The following SMC4 variants were observed in gnomAD, a reference collection of about 807,000 sequenced individuals.
SMC4 encodes structural maintenance of chromosomes protein 4.
SMC4 carries 87 observed loss-of-function variants against 145.6 expected under a neutral mutation model. The ratio of observed to expected loss-of-function variants is 0.60; its 90% CI spans 0.50 to 0.71. SMC4 has a LOEUF of 0.71. Ranked by LOEUF, SMC4 falls within the 30% of genes least tolerant of loss-of-function variation. The pLI is 0.00. For synonymous variants in SMC4, 558 were observed against 500.7 expected, an observed-to-expected ratio of 1.11 and a Z score of -1.53; for missense variants, 1,447 against 1,537.1, an observed-to-expected ratio of 0.94 and a Z score of 0.98.
chr3:160,428,080 A>C (rs1039625394), intron 17 of SMC4, among the ~76,000 whole-genome samples: 10 of 152,184 alleles, frequency 6.6e-5, no homozygotes, highest in Admixed American at 5.9e-4. Flanking sequence ...GCGCCACTGC[A>C]CTCCATCCTG....
intron 10 of SMC4, 48 bp downstream of exon 10, chr3:160,416,463 TTTAAC>T (rs1288427359): frequency 9.7e-6 from 12 of 1,230,938 alleles, no homozygotes; most frequent in African/African-American, 1.5e-5. Flanking sequence ...CTTTTTTTTT[TTTAAC>T]TTAAAGATTA....
chr3:160,425,066 G>A, intron 16 of SMC4, 47 bp downstream of exon 16: 1 of 1,296,900 alleles, frequency 7.7e-7, no homozygotes. Flanking sequence ...TGAAACTATT[G>A]GGATTCAACT....
At chr3:160,403,709 A>G (rs1205915621) in intron 4 of SMC4, among the ~76,000 whole-genome samples, 1 of 152,122 alleles carries the variant, frequency 6.6e-6, no homozygotes, top group African/African-American at 2.4e-5. Context: ...CATTTGATTT[A>G]TCTAAATTTT....
chr3:160,433,168 C>T lies in SMC4; in HGVS notation c.3673C>T (p.Leu1225Phe), dbSNP rs779511871. ...CTTCATGGATGAGATTGATGCAGCCCTTGATTTTAAAAATGTGTCCATTGT... is the reference window on the plus strand; with the variant it reads ...CTTCATGGATGAGATTGATGCAGCCTTTGATTTTAAAAATGTGTCCATTGT... ...LYFMDEIDAA[L>F]DFKNVSIVAF... The change falls in exon 23 of 24, where the codon CTT becomes TTT. Residue 1225 changes from leucine (L) to phenylalanine (F), a missense_variant. By Grantham distance (22) the Leu-to-Phe change is conservative. Transcript: ENST00000357388. 2 of 1,613,218 alleles carry T rather than the reference C, an allele frequency of 1.2e-6. No homozygotes were observed. The highest frequency in any genetic ancestry group is 2.2e-5 in the South Asian group (2 of 90,976).
Position 160,417,935 on chromosome 3 carries a change from A to G in SMC4, c.1650A>G (p.Gln550=). 2 of 1,612,174 alleles carry G rather than the reference A, an allele frequency of 1.2e-6. No homozygotes were observed. Among genetic ancestry groups the G allele is most frequent in the Non-Finnish European group, 1.7e-6 (2 of 1,179,132 alleles). Residue 550 remains glutamine (Q), a synonymous_variant, in exon 11 of 24, where the codon CAA becomes CAG. Transcript: ENST00000357388. Reference sequence around the variant, plus strand: ...GAGATATAGAAGGAAAACTCCCTCAAACTGAACAAGAATTAAAGGAGGTAA... The same window carrying G: ...GAGATATAGAAGGAAAACTCCCTCAGACTGAACAAGAATTAAAGGAGGTAA... ...AIRDIEGKLP[Q]TEQELKEKEK... is the part of the protein sequence containing the mutation.
Position 160,402,719 on chromosome 3 carries a change from A to G in SMC4, c.362A>G (p.Asn121Ser). The change falls in exon 4 of 24, where the codon AAT (asparagine) becomes AGT (serine). Residue 121 changes from asparagine (N) to serine (S), a missense_variant. By Grantham distance (46) the Asn-to-Ser change is conservative. Coordinates refer to ENST00000357388, the MANE Select transcript of SMC4 (RefSeq NM_001002800.3). ...GGGCCAAATGGCAGTGGCAAATCCA[A>G]TGTTATTGATTCTATGCTTTTTGTG... is the stretch of plus-strand genomic sequence containing the variant. ...IIGPNGSGKS[N>S]VIDSMLFVFG... is the part of the protein sequence containing the mutation. 1 of 1,609,862 alleles carries G rather than the reference A, an allele frequency of 6.2e-7. No individual in the cohort carries two copies. Among genetic ancestry groups the G allele is most frequent in the Non-Finnish European group, 8.5e-7 (1 of 1,179,058 alleles).
intron 1 of SMC4, chr3:160,400,042 C>T (rs1032311246): frequency 6.6e-6 from 1 of 152,356 alleles, no homozygotes; most frequent in Non-Finnish European, 1.5e-5. Flanking sequence ...AAAAGGGCGT[C>T]TCCCCCTACC....
In SMC4 at chr3:160,400,985, TCGG is replaced by T; in HGVS notation, c.139+24_139+26del. ...CCGCAGGTGAGTGACCCGCCGCGAC[TCGG>T]CGGGAACGCGCGCTGTGGGACTGGC... On this transcript the variant is annotated intron_variant, in intron 2 of 23. Transcript: ENST00000357388. The T allele has an allele frequency of 7.2e-7, 1 of 1,380,114 alleles. No homozygotes were observed. The highest frequency in any genetic ancestry group is 1.5e-5 in the African/African-American group (1 of 65,262). 85.5% of individuals were successfully genotyped at this position (1,380,114 alleles called of 1,614,324 possible).
chr3:160,413,444 A>G lies in SMC4; in HGVS notation c.981-29A>G, dbSNP rs769076137. ...TGGAAATGGCATTTTAGGAGCTTCA[A>G]TTTCTTTTTTTTTTTTTCCTCCCTA... On this transcript the variant is annotated intron_variant, in intron 7 of 23. Transcript: ENST00000357388. 8 of 1,557,588 alleles carry G rather than the reference A, an allele frequency of 5.1e-6. No individual in the cohort carries two copies. The East Asian group carries it at 1.1e-4, about 22-fold the overall frequency.
At chr3:160,409,265 C>CAAAAAAAAAAA (rs10547167) in intron 5 of SMC4, among the ~76,000 whole-genome samples, 38 of 61,976 alleles carry the variant, frequency 6.1e-4, no homozygotes, top group African/African-American at 8.3e-4. Flanking sequence ...AACTCCGTCT[C>CAAAAAAAAAAA]AAAAAAAAAA....
chr3:160,433,078 G>A lies in SMC4; in HGVS notation c.3583G>A (p.Glu1195Lys), dbSNP rs1221449521. 1 of 1,613,694 alleles carries A rather than the reference G, an allele frequency of 6.2e-7. No individual in the cohort carries two copies. The highest frequency in any genetic ancestry group is 1.7e-5 in the Admixed American group (1 of 60,006). ...WKKIFNLSGG[E>K]KTLSSLALVF... ...AAAGATCTTCAACCTTTCGGGAGGA[G>A]AGAAAACACTTAGTTCATTGGCTTT... is the stretch of plus-strand genomic sequence containing the variant. The change falls in exon 23 of 24, where the codon GAG becomes AAG. Residue 1195 changes from glutamate (E) to lysine (K), a missense_variant. Transcript: ENST00000357388.
At chr3:160,431,995 G>A (rs1718457288) in intron 21 of SMC4, among the ~76,000 whole-genome samples, 170 bp downstream of exon 21, 2 of 152,232 alleles carry the variant, frequency 1.3e-5, no homozygotes, top group East Asian at 3.8e-4. Context: ...AAGGTCAGGA[G>A]TTCGAGACCA....
Position 160,412,325 on chromosome 3 carries a change from G to A in SMC4, c.853-1G>A. On this transcript the variant is annotated splice_acceptor_variant, in intron 6 of 23. Transcript: ENST00000357388. LOFTEE classifies it high-confidence loss of function. Reference sequence around the variant, plus strand: ...AGTCTTTAAACTTTTAATTTCTGTAGTTAAACAGGGTAAAGATGGTGGAAA... The same window carrying A: ...AGTCTTTAAACTTTTAATTTCTGTAATTAAACAGGGTAAAGATGGTGGAAA... 6.3e-7 allele frequency: 1 copy of A among 1,588,268 alleles called. No homozygotes were observed. The highest frequency in any genetic ancestry group is 8.6e-7 in the Non-Finnish European group (1 of 1,160,312).
Position 160,413,512 on chromosome 3 carries a change from A to C in SMC4, c.1020A>C (p.Gln340His), listed in dbSNP as rs754652821. 6.3e-7 allele frequency: 1 copy of C among 1,590,712 alleles called. No homozygotes were observed. The highest frequency in any genetic ancestry group is 8.5e-7 in the Non-Finnish European group (1 of 1,173,634). ...LQKRIAEMETQKEKIHEDTKE... is the reference protein window; with the variant it reads ...LQKRIAEMETHKEKIHEDTKE... Reference sequence around the variant, plus strand: ...AACGAATTGCTGAAATGGAAACTCAAAAGGAAAAAATTCATGAAGATACCA... The same window carrying C: ...AACGAATTGCTGAAATGGAAACTCACAAGGAAAAAATTCATGAAGATACCA... The change falls in exon 8 of 24, where the codon CAA becomes CAC. Residue 340 changes from glutamine (Q) to histidine (H), a missense_variant. By Grantham distance (24) the Gln-to-His change is conservative. Transcript: ENST00000357388.
At chr3:160,412,193 A>AT (rs1716066302) in intron 6 of SMC4, 109 bp downstream of exon 6, 1 of 1,419,086 alleles carries the variant, frequency 7.0e-7, no homozygotes, top group African/African-American at 1.5e-5. Context: ...GAAGTGTTAT[A>AT]TTGAAATTTA....
chr3:160,400,413 G>T (rs1342225416), intron 1 of SMC4: 1 of 155,574 alleles, frequency 6.4e-6, no homozygotes, highest in East Asian at 1.9e-4. Flanking sequence ...GTTTCTCCAC[G>T]TCGGTGCGCG....
intron 4 of SMC4, among the ~76,000 whole-genome samples, chr3:160,403,797 A>T (rs951023341): frequency 1.1e-4 from 17 of 152,118 alleles, no homozygotes; most frequent in African/African-American, 1.2e-4. Context: ...TGATTTTTTT[A>T]AAAATCTGTT....
intron 18 of SMC4, among the ~76,000 whole-genome samples, chr3:160,429,841 C>T (rs1462329537): frequency 6.6e-6 from 1 of 151,866 alleles, no homozygotes; most frequent in Non-Finnish European, 1.5e-5. Flanking sequence ...CTCAGCCTCC[C>T]AAGTAGCTGG....
rs150616801 is a variant in SMC4 at position 160,402,235 on chromosome 3, T to TCACA, written c.318+143_318+144insACAC. 3.4e-3 allele frequency: 1,709 copies of TCACA among 508,374 alleles called. 9 individuals carry two copies. Among genetic ancestry groups the TCACA allele is most frequent in the African/African-American group, 0.019 (929 of 49,008 alleles). 31.5% of individuals were successfully genotyped at this position (508,374 alleles called of 1,614,324 possible). ...TCCTGATAGTCTTTCTGTCTCTCTC[T>TCACA]CTCACACACACACACACACGTTTCA... On this transcript the variant is annotated intron_variant, in intron 3 of 23. Transcript: ENST00000357388.
Sources: allele counts gnomAD v4.1 joint callset (sites outside exome capture counted in the v4.1 genomes callset), GRCh38; gene constraint gnomAD v4.1.1; transcripts MANE v1.5; gene names NCBI Gene and HGNC (gene_info 2026-07-23, HGNC 2026-07-21).